SEMA6D: variants seen among roughly 807,000 people sequenced by gnomAD.
The protein encoded by SEMA6D is semaphorin-6D.
In SEMA6D, 35 loss-of-function variants were observed where a neutral mutation model predicts 106.6. The observed-to-expected ratio is 0.33, with a 90% confidence interval of 0.25 to 0.44. SEMA6D has a LOEUF of 0.44. SEMA6D is among the 20% of genes least tolerant of loss of function. The pLI, the probability that SEMA6D is intolerant of heterozygous loss-of-function variation, is 1.00. For missense variants in SEMA6D, 1,185 were observed against 1,345.9 expected (o/e 0.88, Z 1.87); for synonymous variants, 499 against 487.7 (o/e 1.02, Z -0.31).
chr15:47,512,454 A>G (rs1026299962), intron 3 of SEMA6D, among the ~76,000 whole-genome samples: 2 of 152,250 alleles, frequency 1.3e-5, no homozygotes, highest in African/African-American at 4.8e-5. Context: ...CAGATGCCCA[A>G]TATCTGTGTA....
intron 1 of SEMA6D, among the ~76,000 whole-genome samples, chr15:47,220,452 G>A (rs1462544152): frequency 6.6e-6 from 1 of 152,144 alleles, no homozygotes; most frequent in Non-Finnish European, 1.5e-5. Flanking sequence ...TTCTACAGTG[G>A]AAAGGCTGTA....
intron 1 of SEMA6D, among the ~76,000 whole-genome samples, chr15:47,241,778 T>C (rs2032924783): frequency 6.6e-6 from 1 of 152,076 alleles, no homozygotes; most frequent in South Asian, 2.1e-4. Context: ...CCTGTGGACT[T>C]TCTAGTTCTG....
chr15:47,379,033 G>T (rs1785994655), intron 1 of SEMA6D, among the ~76,000 whole-genome samples: 1 of 152,210 alleles, frequency 6.6e-6, no homozygotes, highest in African/African-American at 2.4e-5. Flanking sequence ...TATGTTGGAA[G>T]ATTTTTTCTG....
intron 1 of SEMA6D, among the ~76,000 whole-genome samples, chr15:47,210,735 A>T (rs1264725432): frequency 1.4e-5 from 2 of 139,930 alleles, no homozygotes; most frequent in Admixed American, 1.6e-4. Flanking sequence ...ACTGCAGTCC[A>T]GCCTGGGCGA....
intron 2 of SEMA6D, among the ~76,000 whole-genome samples, chr15:47,420,284 T>C (rs1028880861): frequency 2.0e-5 from 3 of 152,128 alleles, no homozygotes; most frequent in African/African-American, 7.2e-5. Context: ...GCTTGTCATA[T>C]ACAGACTAAC....
intron 3 of SEMA6D, among the ~76,000 whole-genome samples, chr15:47,582,655 T>C (rs937215256): frequency 2.6e-5 from 4 of 152,178 alleles, no homozygotes; most frequent in African/African-American, 9.7e-5. Context: ...CAGCCCTCCA[T>C]GTCTCTTGTC....
intron 3 of SEMA6D, among the ~76,000 whole-genome samples, chr15:47,548,900 T>C (rs1382582367): frequency 6.6e-6 from 1 of 152,132 alleles, no homozygotes; most frequent in African/African-American, 2.4e-5. Context: ...GATCTTCCTA[T>C]TAGTATTATT....
At chr15:47,533,558 C>T (rs1010181139) in intron 3 of SEMA6D, among the ~76,000 whole-genome samples, 1 of 152,020 alleles carries the variant, frequency 6.6e-6, no homozygotes, top group Admixed American at 6.6e-5. Context: ...GTGTGGGAAG[C>T]GCGGGAAGTG....
At chr15:47,630,381 A>C (rs2144489364) in intron 4 of SEMA6D, among the ~76,000 whole-genome samples, 1 of 152,022 alleles carries the variant, frequency 6.6e-6, no homozygotes, top group South Asian at 2.1e-4. Context: ...GAGTGATTAT[A>C]ATACTGTGTT....
intron 1 of SEMA6D, among the ~76,000 whole-genome samples, chr15:47,264,319 C>A (rs2034215153): frequency 6.8e-6 from 1 of 146,032 alleles, no homozygotes; most frequent in African/African-American, 2.5e-5. Flanking sequence ...TAAACCTGGT[C>A]ATTTACCCCT....
intron 1 of SEMA6D, among the ~76,000 whole-genome samples, chr15:47,194,071 A>ATGGATGGG (rs958226408): frequency 8.4e-5 from 12 of 143,094 alleles, no homozygotes; most frequent in African/African-American, 2.1e-4. Flanking sequence ...AGGTGGATGG[A>ATGGATGGG]TGGATGGGTG....
chr15:47,742,498 A>G (rs1030007086), intron 1 of SEMA6D, among the ~76,000 whole-genome samples: 1 of 152,154 alleles, frequency 6.6e-6, no homozygotes, highest in East Asian at 1.9e-4. Context: ...CAGAAGGTAT[A>G]ACCGACCCAC....
intron 1 of SEMA6D, among the ~76,000 whole-genome samples, chr15:47,367,454 A>G (rs1398220368): frequency 3.3e-5 from 5 of 152,128 alleles, no homozygotes; most frequent in African/African-American, 9.7e-5. Flanking sequence ...TCTCACATCA[A>G]TTAACCACAT....
At position 47,766,091 on chromosome 15, in the gene SEMA6D, T is replaced by G. The variant is rs897411391; in HGVS notation, c.1569-14T>G. On this transcript the variant is annotated splice_polypyrimidine_tract_variant and intron_variant, in intron 14 of 18. Coordinates refer to ENST00000536845, the MANE Select transcript of SEMA6D (RefSeq NM_001358351.3). ...TGAGAAAATCCAAGTTACATTCTGT[T>G]TGGTTTTACACAGGTCTTGTATTGC... 6.2e-7 allele frequency: 1 copy of G among 1,613,404 alleles called. No homozygotes were observed. The highest frequency in any genetic ancestry group is 1.3e-5 in the African/African-American group (1 of 74,866).
At chr15:47,532,256 C>T (rs1215440283) in intron 3 of SEMA6D, among the ~76,000 whole-genome samples, 1 of 152,102 alleles carries the variant, frequency 6.6e-6, no homozygotes, top group Non-Finnish European at 1.5e-5. Flanking sequence ...CTTCCATCAC[C>T]ATCAAAACAA....
chr15:47,745,850 T>C (rs1246070015), intron 1 of SEMA6D, among the ~76,000 whole-genome samples: 1 of 152,094 alleles, frequency 6.6e-6, no homozygotes, highest in Admixed American at 6.5e-5. Context: ...TAGGAAAAAA[T>C]ACATTTAAAA....
chr15:47,372,078 T>A (rs1216035133), intron 1 of SEMA6D, among the ~76,000 whole-genome samples: 4 of 152,328 alleles, frequency 2.6e-5, no homozygotes, highest in African/African-American at 7.2e-5. Flanking sequence ...CAATTCTACC[T>A]TTTTCAGTTT....
chr15:47,569,713 G>A (rs1351364135), intron 3 of SEMA6D, among the ~76,000 whole-genome samples: 1 of 152,116 alleles, frequency 6.6e-6, no homozygotes, highest in Admixed American at 6.5e-5. Flanking sequence ...AATGCAGTGA[G>A]GGAAATATAC....
chr15:47,765,210 GT>G, intron 13 of SEMA6D, 154 bp downstream of exon 13: 3 of 1,411,976 alleles, frequency 2.1e-6, no homozygotes, highest in Non-Finnish European at 9.2e-7. Flanking sequence ...TCTTGGGTTT[GT>G]TTTTTTCCCG....
Sources: allele counts gnomAD v4.1 joint callset (sites outside exome capture counted in the v4.1 genomes callset), GRCh38; gene constraint gnomAD v4.1.1; transcripts MANE v1.5; gene names NCBI Gene and HGNC (gene_info 2026-07-23, HGNC 2026-07-21).